RAG1: variants seen among roughly 807,000 people sequenced by gnomAD.
RAG1 encodes V(D)J recombination-activating protein 1.
Under a neutral mutation model 62.7 loss-of-function variants are expected in RAG1, and 35 were observed. The ratio of observed to expected loss-of-function variants is 0.56; its 90% CI spans 0.43 to 0.74. The LOEUF (loss-of-function observed/expected upper bound fraction) is 0.74. Ranked by LOEUF, RAG1 falls within the 30% of genes least tolerant of loss-of-function variation. RAG1 has a pLI of 0.00. For missense variants in RAG1, 1,169 were observed against 1,278.6 expected, an observed-to-expected ratio of 0.91 and a Z score of 1.31; for synonymous variants, 461 against 470.3, an observed-to-expected ratio of 0.98 and a Z score of 0.26.
chr11:36,550,691 C>T (rs977096113), intron 3 of RAG1, among the ~76,000 whole-genome samples: 1 of 152,134 alleles, frequency 6.6e-6, no homozygotes, highest in Non-Finnish European at 1.5e-5. Flanking sequence ...TCAGTCTTTT[C>T]TCAGTGCCTT....
chr11:36,562,113 A>G (rs1312973018), intron 3 of RAG1, among the ~76,000 whole-genome samples: 2 of 152,134 alleles, frequency 1.3e-5, no homozygotes, highest in African/African-American at 4.8e-5. Flanking sequence ...GAACCATAGG[A>G]GGGTTTTGAT....
At chr11:36,529,511 C>T (rs1328061399) in intron 2 of RAG1, among the ~76,000 whole-genome samples, 2 of 152,080 alleles carry the variant, frequency 1.3e-5, no homozygotes, top group African/African-American at 2.4e-5. Context: ...ATAAGAGCTA[C>T]TTATGACAAA....
chr11:36,562,361 T>C (rs1188295459), intron 3 of RAG1, among the ~76,000 whole-genome samples: 2 of 152,220 alleles, frequency 1.3e-5, no homozygotes, highest in Non-Finnish European at 2.9e-5. Context: ...TCAAATGTTT[T>C]AACTCACTTA....
upstream of RAG1, among the ~76,000 whole-genome samples, chr11:36,565,266 C>T (rs1305408587): frequency 6.6e-6 from 1 of 152,178 alleles, no homozygotes; most frequent in Non-Finnish European, 1.5e-5. Context: ...TGATTGTTAT[C>T]AGCAATTGGA....
At chr11:36,565,145 T>C (rs1850643116), upstream of RAG1, among the ~76,000 whole-genome samples, 1 of 152,218 alleles carries the variant, frequency 6.6e-6, no homozygotes, top group African/African-American at 2.4e-5. Context: ...GATGTATAGA[T>C]ACATGCTTAT....
At chr11:36,528,076 A>T (rs908421465) in intron 2 of RAG1, among the ~76,000 whole-genome samples, 1 of 152,166 alleles carries the variant, frequency 6.6e-6, no homozygotes, top group African/African-American at 2.4e-5. Flanking sequence ...TGTCAATATT[A>T]GACAGATCAA....
upstream of RAG1, among the ~76,000 whole-genome samples, chr11:36,563,757 A>C (rs371372979): frequency 3.9e-5 from 6 of 152,250 alleles, no homozygotes; most frequent in East Asian, 7.7e-4. Context: ...CTTAAAAACT[A>C]ACCCTTTCTT....
chr11:36,546,365 TA>T (rs1336710303), intron 3 of RAG1, among the ~76,000 whole-genome samples: 2 of 152,222 alleles, frequency 1.3e-5, no homozygotes, highest in African/African-American at 4.8e-5. Context: ...TTTGTCGGTT[TA>T]AAGTCTGTTT....
chr11:36,557,937 A>G (rs1351407578), intron 3 of RAG1, among the ~76,000 whole-genome samples: 1 of 152,146 alleles, frequency 6.6e-6, no homozygotes, highest in Non-Finnish European at 1.5e-5. Context: ...AGGTGAACTT[A>G]ATTCCAATAT....
intron 3 of RAG1, among the ~76,000 whole-genome samples, chr11:36,549,410 C>T (rs936654790): frequency 1.3e-5 from 2 of 152,128 alleles, no homozygotes; most frequent in Admixed American, 1.3e-4. Flanking sequence ...CTACAAGGAA[C>T]TTAAACAACT....
downstream of RAG1, among the ~76,000 whole-genome samples, chr11:36,540,268 G>C (rs1472519798): frequency 6.6e-6 from 1 of 152,122 alleles, no homozygotes; most frequent in Non-Finnish European, 1.5e-5. Flanking sequence ...TGGTTTCTGA[G>C]ACAACCTGCT....
intron 3 of RAG1, among the ~76,000 whole-genome samples, chr11:36,550,134 G>C (rs1850461675): frequency 6.6e-6 from 1 of 152,060 alleles, no homozygotes; most frequent in Non-Finnish European, 1.5e-5. Context: ...AGCTGGGGAG[G>C]GATAGCATTA....
At chr11:36,551,584 T>C (rs1459067455) in intron 3 of RAG1, among the ~76,000 whole-genome samples, 1 of 150,034 alleles carries the variant, frequency 6.7e-6, no homozygotes. Context: ...AATGACCTCA[T>C]TTTAACTTAA....
At chr11:36,525,157 CT>C (rs901881077) in intron 2 of RAG1, among the ~76,000 whole-genome samples, 33 of 151,518 alleles carry the variant, frequency 2.2e-4, no homozygotes, top group South Asian at 2.1e-4. Flanking sequence ...GTTTAAAAGG[CT>C]GTTTTTTCTC....
Position 36,573,501 on chromosome 11 carries a change from T to C in RAG1, c.197T>C (p.Leu66Pro), listed in dbSNP as rs779859808. The change falls in exon 2 of 2, where the codon CTG becomes CCG. Residue 66 changes from leucine to proline, a missense_variant. Physicochemically the swap from Leu to Pro is moderately conservative, Grantham distance 98. Coordinates refer to ENST00000299440, the MANE Select transcript of RAG1 (RefSeq NM_000448.3). ...TCTCTGGAGCAATCTCCAGCAGTCC[T>C]GGACAAGGCTGATGGTCAGAAGCCA... ...KPSLEQSPAV[L>P]DKADGQKPVP... is the part of the protein sequence containing the mutation. The C allele has an allele frequency of 6.8e-6, 11 of 1,614,212 alleles. No homozygotes were observed. The highest frequency in any genetic ancestry group is 9.3e-6 in the Non-Finnish European group (11 of 1,180,050).
At chr11:36,551,789 GA>G (rs1381839332) in intron 3 of RAG1, among the ~76,000 whole-genome samples, 1 of 140,394 alleles carries the variant, frequency 7.1e-6, no homozygotes, top group Non-Finnish European at 1.5e-5. Context: ...CCCAGAGTGT[GA>G]TATTCCCCTT....
intron 3 of RAG1, among the ~76,000 whole-genome samples, chr11:36,557,956 G>C (rs1850527093): frequency 6.6e-6 from 1 of 152,068 alleles, no homozygotes; most frequent in Non-Finnish European, 1.5e-5. Context: ...ATTTTTAGGG[G>C]AAGGGTACCT....
chr11:36,515,655 G>C (rs964188098), intron 1 of RAG1: 1 of 152,892 alleles, frequency 6.5e-6, no homozygotes, highest in East Asian at 1.9e-4. Flanking sequence ...GCAGTGGGAG[G>C]GGGTGACAAA....
At chr11:36,537,948 G>A (rs913680163), downstream of RAG1, among the ~76,000 whole-genome samples, 42 of 151,706 alleles carry the variant, frequency 2.8e-4, no homozygotes, top group Admixed American at 1.2e-3. Context: ...TCTGCATTAC[G>A]TTGTAAAATT....
Sources: allele counts gnomAD v4.1 joint callset (sites outside exome capture counted in the v4.1 genomes callset), GRCh38; gene constraint gnomAD v4.1.1; transcripts MANE v1.5; gene names NCBI Gene and HGNC (gene_info 2026-07-23, HGNC 2026-07-21).